Variants in CDH12 observed in about 807,000 individuals in gnomAD.
CDH12 encodes cadherin-12.
A neutral mutation model predicts 74.1 loss-of-function variants in CDH12; 41 were observed. The observed-to-expected ratio is 0.55, with a 90% CI of 0.43 to 0.72. The LOEUF (loss-of-function observed/expected upper bound fraction) is 0.72. CDH12 is among the 30% of genes least tolerant of loss of function. The probability of loss-of-function intolerance (pLI) is 0.00; values close to 1 mark genes in which losing one functional copy is unlikely to be tolerated. For missense variants in CDH12, 945 were observed against 977.2 expected, an observed-to-expected ratio of 0.97 and a Z score of 0.44; for synonymous variants, 399 against 355.0, an observed-to-expected ratio of 1.12 and a Z score of -1.39.
rs147717228 is a variant in CDH12 at position 22,647,866 on chromosome 5, T to C, written c.-522-142502A>G. ...TTTTATGCAATCCCTGAACTCACAT[T>C]TCCATGGAAAGTATCAATATTGTCT... is the stretch of plus-strand genomic sequence containing the variant. On this transcript the variant is annotated intron_variant, in intron 1 of 14. Coordinates refer to ENST00000382254, the MANE Select transcript of CDH12 (RefSeq NM_004061.5). 8.0e-3 allele frequency among the ~76,000 whole-genome samples: 1,216 copies of C among 152,010 alleles called. 12 individuals are homozygous for C. Among genetic ancestry groups the C allele is most frequent in the African/African-American group, 0.026 (1,059 of 41,522 alleles).
chr5:22,749,662 G>A (rs550964674), intron 1 of CDH12, among the ~76,000 whole-genome samples: 161 of 152,228 alleles, frequency 1.1e-3, no homozygotes, highest in Non-Finnish European at 1.3e-3. Flanking sequence ...TATCTACTAC[G>A]TATGTCACTA....
chr5:21,966,298 C>G (rs1756582726), intron 6 of CDH12, among the ~76,000 whole-genome samples: 1 of 151,864 alleles, frequency 6.6e-6, no homozygotes. Context: ...GGTCAACATA[C>G]TTTTCTGTGA....
intron 1 of CDH12, among the ~76,000 whole-genome samples, chr5:22,800,853 C>T (rs1261798689): frequency 6.6e-6 from 1 of 152,050 alleles, no homozygotes; most frequent in Non-Finnish European, 1.5e-5. Context: ...AGGGTTCCTC[C>T]TTGTCTTTTC....
intron 4 of CDH12, among the ~76,000 whole-genome samples, chr5:22,079,678 C>A (rs1742585176): frequency 6.6e-6 from 1 of 151,966 alleles, no homozygotes; most frequent in Admixed American, 6.6e-5. Context: ...GGATCCCTAC[C>A]AGATGCAGAG....
chr5:22,218,252 C>A (rs1353972243), intron 3 of CDH12, among the ~76,000 whole-genome samples: 1 of 151,336 alleles, frequency 6.6e-6, no homozygotes. Context: ...AGTATTCACT[C>A]CAAAGAAAAA....
chr5:21,804,577 A>G (rs563855066), intron 9 of CDH12, among the ~76,000 whole-genome samples: 11 of 151,776 alleles, frequency 7.2e-5, no homozygotes, highest in Non-Finnish European at 1.6e-4. Flanking sequence ...GTTATTAACG[A>G]GAGTAAATTT....
At chr5:22,581,843 T>C (rs1740119463) in intron 1 of CDH12, among the ~76,000 whole-genome samples, 1 of 152,112 alleles carries the variant, frequency 6.6e-6, no homozygotes, top group Non-Finnish European at 1.5e-5. Flanking sequence ...ATTTTTAACT[T>C]TTCTTACCAA....
At chr5:22,388,144 A>G (rs1742081405) in intron 3 of CDH12, among the ~76,000 whole-genome samples, 1 of 152,130 alleles carries the variant, frequency 6.6e-6, no homozygotes, top group Non-Finnish European at 1.5e-5. Flanking sequence ...TTTGCTTAAT[A>G]CTTCCTGAAA....
intron 3 of CDH12, among the ~76,000 whole-genome samples, chr5:22,377,203 A>G (rs977989994): frequency 3.9e-5 from 6 of 152,160 alleles, no homozygotes; most frequent in African/African-American, 1.4e-4. Flanking sequence ...TTTTAATCCT[A>G]CAGTTCTTCC....
intron 6 of CDH12, among the ~76,000 whole-genome samples, chr5:21,914,656 T>C (rs1468705302): frequency 6.6e-6 from 1 of 152,168 alleles, no homozygotes; most frequent in Non-Finnish European, 1.5e-5. Context: ...CAATTTTCTT[T>C]CTTGTCAGGA....
At chr5:22,548,516 A>G (rs1738427269) in intron 1 of CDH12, among the ~76,000 whole-genome samples, 1 of 152,088 alleles carries the variant, frequency 6.6e-6, no homozygotes, top group Admixed American at 6.6e-5. Context: ...TAAAATGCCT[A>G]CCAAATAACA....
At chr5:22,727,405 G>T (rs1285751955) in intron 1 of CDH12, among the ~76,000 whole-genome samples, 2 of 151,498 alleles carry the variant, frequency 1.3e-5, no homozygotes, top group African/African-American at 4.8e-5. Context: ...AATTTAGTGG[G>T]TTTTTTTGGT....
chr5:22,429,466 T>C (rs1053796749), intron 2 of CDH12, among the ~76,000 whole-genome samples: 6 of 152,142 alleles, frequency 3.9e-5, no homozygotes, highest in African/African-American at 1.4e-4. Flanking sequence ...AACTCTGCTT[T>C]ATACTCAACC....
chr5:21,801,905 T>G (rs1747131483), intron 10 of CDH12, among the ~76,000 whole-genome samples: 1 of 152,180 alleles, frequency 6.6e-6, no homozygotes, highest in Non-Finnish European at 1.5e-5. Context: ...GAGTTGAGAT[T>G]TGTTACCTTG....
chr5:22,003,044 C>A (rs920091566), intron 5 of CDH12, among the ~76,000 whole-genome samples: 1 of 152,002 alleles, frequency 6.6e-6, no homozygotes, highest in African/African-American at 2.4e-5. Flanking sequence ...TGCCTAAAAA[C>A]TGCATAGTTT....
chr5:22,758,956 AT>A (rs1330542702), intron 1 of CDH12, among the ~76,000 whole-genome samples: 1 of 152,178 alleles, frequency 6.6e-6, no homozygotes, highest in Non-Finnish European at 1.5e-5. Flanking sequence ...GAGGAGTCTT[AT>A]CCCTATGACT....
intron 1 of CDH12, among the ~76,000 whole-genome samples, chr5:22,566,215 C>CT (rs1188598033): frequency 6.6e-6 from 1 of 150,862 alleles, no homozygotes; most frequent in African/African-American, 2.4e-5. Context: ...ACTATGTGTC[C>CT]TTTTTTTTGT....
At chr5:22,018,950 T>C in intron 5 of CDH12, among the ~76,000 whole-genome samples, 1 of 152,060 alleles carries the variant, frequency 6.6e-6, no homozygotes, top group East Asian at 1.9e-4. Context: ...CATGTGCCTG[T>C]AATCTCAGCT....
intron 3 of CDH12, among the ~76,000 whole-genome samples, chr5:22,387,556 T>G (rs1436906727): frequency 6.6e-6 from 1 of 152,180 alleles, no homozygotes; most frequent in East Asian, 1.9e-4. Flanking sequence ...TATTGGCTGC[T>G]GTCTACATAC....
Sources: allele counts gnomAD v4.1 joint callset (sites outside exome capture counted in the v4.1 genomes callset), GRCh38; gene constraint gnomAD v4.1.1; transcripts MANE v1.5; gene names NCBI Gene and HGNC (gene_info 2026-07-23, HGNC 2026-07-21).